The following SPMIP7 variants were observed in gnomAD, a reference collection of about 807,000 sequenced individuals.
SPMIP7 encodes protein SPMIP7.
the SPMIP7 span, among the ~76,000 whole-genome samples, chr7:50,156,882 C>T: frequency 2.0e-5 from 3 of 152,064 alleles, no homozygotes; most frequent in Non-Finnish European, 4.4e-5. Context: ...CCTCTCGTTC[C>T]TTTCACTTCT....
the SPMIP7 span, among the ~76,000 whole-genome samples, chr7:50,110,929 A>G: frequency 7.3e-6 from 1 of 137,228 alleles, no homozygotes; most frequent in Non-Finnish European, 1.5e-5. Context: ...AAGCTAATAT[A>G]TAATATGTAA....
At chr7:50,141,089 T>G in the SPMIP7 span, among the ~76,000 whole-genome samples, 1 of 152,260 alleles carries the variant, frequency 6.6e-6, no homozygotes, top group Admixed American at 6.5e-5. Flanking sequence ...CACCGCTCAT[T>G]CTGAAGAAGA....
chr7:50,099,028 C>T, the SPMIP7 span, among the ~76,000 whole-genome samples: 1 of 152,154 alleles, frequency 6.6e-6, no homozygotes, highest in Non-Finnish European at 1.5e-5. Flanking sequence ...TGGCAACAAC[C>T]GTTATATCTT....
chr7:50,106,980 T>A, the SPMIP7 span, among the ~76,000 whole-genome samples: 1 of 151,978 alleles, frequency 6.6e-6, no homozygotes, highest in African/African-American at 2.4e-5. Context: ...CTCACACCTG[T>A]AATCCCAGCA....
the SPMIP7 span, among the ~76,000 whole-genome samples, chr7:50,097,037 T>C: frequency 2.0e-5 from 3 of 152,178 alleles, no homozygotes; most frequent in African/African-American, 7.2e-5. Flanking sequence ...TGAAATAAAA[T>C]GGGAAAAATT....
chr7:50,117,277 G>A, the SPMIP7 span: 1 of 456,088 alleles, frequency 2.2e-6, no homozygotes, highest in Non-Finnish European at 4.4e-6. Context: ...GAAAATAGAG[G>A]CCAATCACAT....
the SPMIP7 span, among the ~76,000 whole-genome samples, chr7:50,124,683 C>T: frequency 3.4e-4 from 51 of 152,150 alleles, no homozygotes; most frequent in African/African-American, 1.0e-3. Context: ...AAACTTAGTG[C>T]AAAATAAAAC....
At chr7:50,135,222 C>T in the SPMIP7 span, among the ~76,000 whole-genome samples, 1 of 152,320 alleles carries the variant, frequency 6.6e-6, no homozygotes, top group Non-Finnish European at 1.5e-5. Flanking sequence ...TGTCTCAGCT[C>T]TGTGCTTGCG....
chr7:50,146,560 G>A, the SPMIP7 span, among the ~76,000 whole-genome samples: 121 of 152,294 alleles, frequency 7.9e-4, 1 homozygote, highest in Middle Eastern at 6.8e-3. Context: ...ATGATATTCA[G>A]AAAAATGCAA....
the SPMIP7 span, among the ~76,000 whole-genome samples, chr7:50,137,347 GT>G: frequency 6.6e-6 from 1 of 152,024 alleles, no homozygotes; most frequent in Non-Finnish European, 1.5e-5. Flanking sequence ...ATTCATACCT[GT>G]TGACATCTGT....
chr7:50,149,304 T>G, the SPMIP7 span, among the ~76,000 whole-genome samples: 23 of 152,360 alleles, frequency 1.5e-4, no homozygotes, highest in East Asian at 4.4e-3. Context: ...GCCCTTATTT[T>G]GTAAATGTTT....
At chr7:50,119,742 T>C in the SPMIP7 span, among the ~76,000 whole-genome samples, 1 of 152,220 alleles carries the variant, frequency 6.6e-6, no homozygotes, top group Non-Finnish European at 1.5e-5. Flanking sequence ...CCTATCAAAG[T>C]GATGCCTACA....
chr7:50,099,307 C>G, the SPMIP7 span, among the ~76,000 whole-genome samples: 1 of 152,268 alleles, frequency 6.6e-6, no homozygotes, highest in African/African-American at 2.4e-5. Context: ...GTATTGTTGT[C>G]TATCTCTTCC....
the SPMIP7 span, among the ~76,000 whole-genome samples, chr7:50,134,945 G>T: frequency 6.6e-6 from 1 of 152,018 alleles, no homozygotes; most frequent in African/African-American, 2.4e-5. Context: ...TTTGCCCATG[G>T]TTCCCTCCTT....
the SPMIP7 span, among the ~76,000 whole-genome samples, chr7:50,158,464 T>C: frequency 6.7e-6 from 1 of 149,242 alleles, no homozygotes; most frequent in African/African-American, 2.5e-5. Flanking sequence ...CACCGATGTC[T>C]TCTTCTGGCC....
At chr7:50,143,222 T>C in the SPMIP7 span, among the ~76,000 whole-genome samples, 823 of 148,380 alleles carry the variant, frequency 5.5e-3, 28 homozygotes, top group South Asian at 0.089. Flanking sequence ...TGAAGTGCAG[T>C]GGCGTGATCT....
At chr7:50,104,514 G>A in the SPMIP7 span, 2 of 339,122 alleles carry the variant, frequency 5.9e-6, no homozygotes, top group Non-Finnish European at 9.7e-6. Context: ...GATATTGTAT[G>A]CCTTAGATGA....
chr7:50,125,719 C>T, the SPMIP7 span, among the ~76,000 whole-genome samples: 1 of 151,572 alleles, frequency 6.6e-6, no homozygotes, highest in African/African-American at 2.4e-5. Flanking sequence ...TGAAATAAAC[C>T]AGGCACAGAA....
the SPMIP7 span, among the ~76,000 whole-genome samples, chr7:50,131,020 A>C: frequency 4.6e-5 from 7 of 152,152 alleles, no homozygotes; most frequent in African/African-American, 1.7e-4. Context: ...ATGAGGCTTT[A>C]GCAGAGAAGT....
Sources: gnomAD v4.1 joint callset for allele counts (sites outside exome capture counted in the v4.1 genomes callset) on GRCh38, gnomAD v4.1.1 for gene constraint, MANE v1.5 for transcripts, NCBI Gene and HGNC (gene_info 2026-07-23, HGNC 2026-07-21) for gene names.